QKI: variants seen among roughly 807,000 people sequenced by gnomAD.
QKI encodes the protein KH domain-containing RNA-binding protein QKI.
Under a neutral mutation model 39.0 loss-of-function variants are expected in QKI, and 10 were observed. The observed-to-expected ratio is 0.26, with a 90% confidence interval of 0.16 to 0.43. The LOEUF is 0.43. Among genes scored for constraint, QKI ranks in the 20% least tolerant of loss-of-function variants. The pLI is 1.00. For missense variants in QKI, 218 were observed against 428.0 expected, an observed-to-expected ratio of 0.51 and a Z score of 4.33; for synonymous variants, 204 against 155.4, an observed-to-expected ratio of 1.31 and a Z score of -2.33.
chr6:163,435,842 T>C (rs1359052489), intron 1 of QKI, among the ~76,000 whole-genome samples: 1 of 152,224 alleles, frequency 6.6e-6, no homozygotes, highest in African/African-American at 2.4e-5. Context: ...GATCAGTCTT[T>C]ACTATTTTCT....
At position 163,473,118 on chromosome 6, in the gene QKI, G is replaced by C. The variant is rs185933765; in HGVS notation, c.286-5662G>C. ...CTCCAAAATCTTAAGTAAACCACTT[G>C]TTGAGCTCCTTAGTCCTTCTTCCAG... On this transcript the variant is annotated intron_variant, in intron 2 of 7. Transcript: ENST00000361752. Among the ~76,000 whole-genome samples the C allele has an allele frequency of 1.8e-3, 268 of 152,288 alleles. 3 individuals are homozygous for C. Among genetic ancestry groups the C allele is most frequent in the African/African-American group, 6.2e-3 (256 of 41,568 alleles).
chr6:163,427,072 A>G (rs548793234), intron 1 of QKI, among the ~76,000 whole-genome samples: 6 of 152,170 alleles, frequency 3.9e-5, no homozygotes, highest in East Asian at 1.9e-4. Context: ...CATTTCTCCA[A>G]TAGGAATGGT....
intron 3 of QKI, among the ~76,000 whole-genome samples, chr6:163,490,732 TTA>T (rs1254877048): frequency 6.6e-6 from 1 of 152,162 alleles, no homozygotes; most frequent in Admixed American, 6.5e-5. Flanking sequence ...AGATGAGAAG[TTA>T]TATGATGTAT....
chr6:163,518,704 G>A (rs931656744), intron 3 of QKI, among the ~76,000 whole-genome samples: 12 of 152,252 alleles, frequency 7.9e-5, no homozygotes, highest in Admixed American at 7.8e-4. Flanking sequence ...TTAAGGTCAA[G>A]TTTTATACAT....
chr6:163,556,521 A>C (rs1032770101), intron 4 of QKI, among the ~76,000 whole-genome samples: 3 of 150,792 alleles, frequency 2.0e-5, no homozygotes, highest in African/African-American at 4.9e-5. Context: ...AAAAAAAAAA[A>C]AAACAACAAA....
intron 3 of QKI, among the ~76,000 whole-genome samples, chr6:163,533,065 C>T (rs1452352312): frequency 6.6e-6 from 1 of 151,672 alleles, no homozygotes; most frequent in South Asian, 2.1e-4. Context: ...CATATATATG[C>T]GTTTAGTCAA....
chr6:163,420,520 G>A lies in QKI; in HGVS notation c.142+5185G>A, dbSNP rs146816190. On this transcript the variant is annotated intron_variant, in intron 1 of 7. Coordinates refer to ENST00000361752, the MANE Select transcript of QKI (RefSeq NM_006775.3). ...TTTTAAGGCCAAGGGATGGGGAGTG[G>A]TGAGTGGGCCTATGTTAGGAGGTCA... is the stretch of plus-strand genomic sequence containing the variant. 3.5e-3 allele frequency among the ~76,000 whole-genome samples: 534 copies of A among 152,114 alleles called. 3 individuals carry two copies. Among genetic ancestry groups the A allele is most frequent in the Middle Eastern group, 0.014 (4 of 294 alleles).
chr6:163,468,822 A>G (rs767745747), intron 2 of QKI, among the ~76,000 whole-genome samples: 10 of 152,244 alleles, frequency 6.6e-5, no homozygotes, highest in Admixed American at 6.5e-5. Flanking sequence ...CTGGCGTGAT[A>G]AATCAACACA....
intron 3 of QKI, among the ~76,000 whole-genome samples, chr6:163,527,615 G>GTAAT (rs1490063768): frequency 1.3e-5 from 2 of 152,132 alleles, no homozygotes; most frequent in Non-Finnish European, 2.9e-5. Context: ...AACAGATATT[G>GTAAT]TAATTAGAGC....
chr6:163,418,804 T>C (rs1787758787), intron 1 of QKI, among the ~76,000 whole-genome samples: 1 of 152,134 alleles, frequency 6.6e-6, no homozygotes, highest in Admixed American at 6.5e-5. Context: ...GAATGCAAAT[T>C]GTTATAATAA....
chr6:163,570,359 ATTG>A (rs1320594318), intron 7 of QKI: 3 of 982,778 alleles, frequency 3.1e-6, no homozygotes, highest in African/African-American at 1.8e-5. Flanking sequence ...AAACCTATTC[ATTG>A]TTGTTTTTCA....
intron 4 of QKI, among the ~76,000 whole-genome samples, chr6:163,551,144 C>A (rs1329040109): frequency 6.6e-6 from 1 of 152,176 alleles, no homozygotes; most frequent in Non-Finnish European, 1.5e-5. Context: ...AAATCAGTTT[C>A]TCCTACTATA....
chr6:163,570,491 A>G (rs1176506726), intron 7 of QKI: 2 of 981,418 alleles, frequency 2.0e-6, no homozygotes, highest in Non-Finnish European at 1.2e-6. Flanking sequence ...ATTTGTTCAA[A>G]TCATGATACG....
At chr6:163,556,791 T>G (rs1311938399) in intron 4 of QKI, among the ~76,000 whole-genome samples, 1 of 152,158 alleles carries the variant, frequency 6.6e-6, no homozygotes, top group East Asian at 1.9e-4. Flanking sequence ...TCTGAAAAAC[T>G]CTGAAATTCT....
intron 2 of QKI, among the ~76,000 whole-genome samples, chr6:163,476,767 A>G (rs1792637324): frequency 6.6e-6 from 1 of 152,204 alleles, no homozygotes; most frequent in Non-Finnish European, 1.5e-5. Flanking sequence ...ATCTCCTTCT[A>G]GAAATGACAT....
chr6:163,565,861 G>A (rs1783333088), intron 6 of QKI: 6 of 1,570,580 alleles, frequency 3.8e-6, no homozygotes, highest in South Asian at 3.5e-5. Flanking sequence ...ATGCAGACAT[G>A]TGTGTTGGTA....
intron 2 of QKI, among the ~76,000 whole-genome samples, chr6:163,477,782 C>T (rs898833989): frequency 6.6e-6 from 1 of 152,126 alleles, no homozygotes; most frequent in Admixed American, 6.6e-5. Flanking sequence ...AAAATAAGAG[C>T]CAGTGGAGTA....
In QKI at chr6:163,478,838, C is replaced by A; in HGVS notation, c.344C>A (p.Ala115Glu). ...GGACTTACAGCCAAACAACTTGAAGCAGAAACCGGATGTAAAATCATGGTC... is the reference window on the plus strand; with the variant it reads ...GGACTTACAGCCAAACAACTTGAAGAAGAAACCGGATGTAAAATCATGGTC... ...PRGLTAKQLEAETGCKIMVRG... is the reference protein window; with the variant it reads ...PRGLTAKQLEEETGCKIMVRG... The change falls in exon 3 of 8, where the codon GCA (alanine) becomes GAA (glutamate). Residue 115 changes from alanine (A) to glutamate (E), a missense_variant. Coordinates refer to ENST00000361752, the MANE Select transcript of QKI (RefSeq NM_006775.3). 1.9e-6 allele frequency: 3 copies of A among 1,611,674 alleles called. No individual in the cohort carries two copies. Among genetic ancestry groups the A allele is most frequent in the Non-Finnish European group, 2.5e-6 (3 of 1,179,180 alleles).
At chr6:163,557,784 A>G (rs1404068513) in intron 4 of QKI, among the ~76,000 whole-genome samples, 2 of 152,182 alleles carry the variant, frequency 1.3e-5, no homozygotes, top group East Asian at 1.9e-4. Context: ...TGTACTTTAT[A>G]TATACATACA....
Sources: gnomAD v4.1 joint callset for allele counts (sites outside exome capture counted in the v4.1 genomes callset) on GRCh38, gnomAD v4.1.1 for gene constraint, MANE v1.5 for transcripts, NCBI Gene and HGNC (gene_info 2026-07-23, HGNC 2026-07-21) for gene names.